Variants in WDR48 observed in about 807,000 individuals in gnomAD.
The protein encoded by WDR48 is WD repeat domain 48.
WDR48 carries 22 observed loss-of-function variants against 94.0 expected under a neutral mutation model. That is an observed-to-expected ratio of 0.23 (90% CI 0.17 to 0.33). The LOEUF (loss-of-function observed/expected upper bound fraction) is 0.33, where lower values mean the gene tolerates loss of function less well. Among genes scored for constraint, WDR48 ranks in the 10% least tolerant of loss-of-function variants. The pLI, the probability that WDR48 is intolerant of heterozygous loss-of-function variation, is 1.00. For synonymous variants in WDR48, 278 were observed against 280.5 expected, an observed-to-expected ratio of 0.99 and a Z score of 0.09; for missense variants, 541 against 813.8, an observed-to-expected ratio of 0.66 and a Z score of 4.08.
intron 17 of WDR48, 60 bp downstream of exon 17, chr3:39,091,761 T>C: frequency 7.3e-7 from 1 of 1,364,752 alleles, no homozygotes; most frequent in Non-Finnish European, 1.0e-6. Context: ...CTTTTCCTTA[T>C]GATTGCTTTT....
intron 16 of WDR48, chr3:39,090,526 T>C (rs555733467): frequency 6.6e-6 from 1 of 152,348 alleles, no homozygotes; most frequent in African/African-American, 2.4e-5. Flanking sequence ...TATATTCTCT[T>C]CTAGTTCTTT....
At chr3:39,080,543 A>C (rs1203825639) in intron 11 of WDR48, among the ~76,000 whole-genome samples, 1 of 152,222 alleles carries the variant, frequency 6.6e-6, no homozygotes, top group Non-Finnish European at 1.5e-5. Flanking sequence ...TTTGTTCAAC[A>C]GATATTTCCT....
rs777137645 is a variant in WDR48, at chr3:39,084,270, AG to A, written c.1281+9del. ...GTAGACTTAAAAACAGGGGTAAGTT[AG>A]CAATTGATACTTGTATGATTTGGGA... On this transcript the variant is annotated intron_variant, in intron 12 of 18. Transcript: ENST00000302313. 1 of 1,558,174 alleles carries A rather than the reference AG, an allele frequency of 6.4e-7. No individual in the cohort carries two copies. The highest frequency in any genetic ancestry group is 1.4e-5 in the African/African-American group (1 of 73,946).
intron 1 of WDR48, among the ~76,000 whole-genome samples, chr3:39,060,507 A>G (rs1056530310): frequency 6.6e-6 from 1 of 151,972 alleles, no homozygotes; most frequent in Non-Finnish European, 1.5e-5. Context: ...CACTTTTGTA[A>G]CATTATTGTG....
At chr3:39,088,286 A>G in intron 15 of WDR48, 53 bp downstream of exon 15, 1 of 1,540,294 alleles carries the variant, frequency 6.5e-7, no homozygotes, top group Non-Finnish European at 9.0e-7. Flanking sequence ...CCATTTGCTA[A>G]GAAGTGTCGA....
intron 2 of WDR48, among the ~76,000 whole-genome samples, chr3:39,063,821 A>T (rs56657836): frequency 2.6e-5 from 4 of 151,996 alleles, no homozygotes; most frequent in Non-Finnish European, 5.9e-5. Flanking sequence ...GGTGGCACAC[A>T]CCTGTAGTCC....
At position 39,094,776 on chromosome 3, in the gene WDR48, C is replaced by T. The variant is rs778039587; in HGVS notation, c.*33C>T. ...GCTAATGCTCCTGGATATTCATTTA[C>T]GACCTTCCTCTATGGCCCCAAGAGT... On this transcript the variant is annotated 3_prime_UTR_variant, in exon 19 of 19. Coordinates refer to ENST00000302313, the MANE Select transcript of WDR48 (RefSeq NM_020839.4). 2.2e-5 allele frequency: 35 copies of T among 1,612,188 alleles called. No individual in the cohort carries two copies. The highest frequency in any genetic ancestry group is 1.1e-4 in the South Asian group (10 of 90,710).
rs1252785627 is a variant in WDR48 at position 39,094,701 on chromosome 3, C to T, written c.1992C>T (p.Ser664=). 13 of 1,613,980 alleles carry T rather than the reference C, an allele frequency of 8.1e-6. No individual in the cohort carries two copies. In the Admixed American group the frequency reaches 1.5e-4, roughly 19 times the overall value. ...LRTVKHFIWK[S]GGDLTLHYRQ... ...CAGTGAAACACTTCATATGGAAGAG[C>T]GGTGGAGACCTCACCCTCCATTACC... Residue 664 remains serine, a synonymous_variant, in exon 19 of 19, where the codon AGC becomes AGT. Transcript: ENST00000302313.
At chr3:39,085,692 A>AC in intron 14 of WDR48, 82 bp downstream of exon 14, 1 of 1,154,472 alleles carries the variant, frequency 8.7e-7, no homozygotes, top group Non-Finnish European at 1.3e-6. Context: ...ACTTACTTAA[A>AC]CCGTTAGCTA....
rs1450180604 is a variant in WDR48 at position 39,094,993 on chromosome 3, C to G, written c.*250C>G. ...AGAGCCCCAAGCAGACTATGTCTTTCAAGATGTACAGAAGACTGACAACAG... is the reference window on the plus strand; with the variant it reads ...AGAGCCCCAAGCAGACTATGTCTTTGAAGATGTACAGAAGACTGACAACAG... On this transcript the variant is annotated 3_prime_UTR_variant, in exon 19 of 19. Transcript: ENST00000302313. 3 of 534,198 alleles carry G rather than the reference C, an allele frequency of 5.6e-6. No individual in the cohort carries two copies. Among genetic ancestry groups the G allele is most frequent in the Non-Finnish European group, 9.9e-6 (3 of 304,012 alleles). The allele number at this position is 534,198 out of a possible 1,614,324, so 33.1% of individuals were successfully genotyped here.
At chr3:39,084,549 A>G in intron 12 of WDR48, 96 bp from the exon 13 acceptor site, 1 of 1,097,540 alleles carries the variant, frequency 9.1e-7, no homozygotes, top group African/African-American at 1.6e-5. Flanking sequence ...TTTATGACTT[A>G]GCACTTTAGT....
In WDR48 at chr3:39,084,723, G is replaced by C. The variant is rs1382829617; in HGVS notation, c.1360G>C (p.Asp454His). ...SAKDAGFSSP[D>H]GSDPKLNLGG... The stretch of plus-strand genomic sequence containing the variant: ...AAAAGATGCTGGTTTCAGCAGCCCT[G>C]ATGGGTCAGATCCAAAATGTGAGTT... Residue 454 changes from aspartate (D) to histidine (H), a missense_variant, in exon 13 of 19, where the codon GAT becomes CAT. This residue lies in a region of WDR48 where 238 missense variants were observed against 285.3 expected (regional missense o/e 0.83). Coordinates refer to ENST00000302313, the MANE Select transcript of WDR48 (RefSeq NM_020839.4). The C allele has an allele frequency of 6.2e-7, 1 of 1,613,434 alleles. No homozygotes were observed. Among genetic ancestry groups the C allele is most frequent in the South Asian group, 1.1e-5 (1 of 90,996 alleles).
At chr3:39,065,758 T>A (rs1431696924) in intron 2 of WDR48, 53 bp from the exon 3 acceptor site, 3 of 1,322,226 alleles carry the variant, frequency 2.3e-6, no homozygotes, top group Non-Finnish European at 3.2e-6. Flanking sequence ...CTATCATTTG[T>A]AATATATTTC....
chr3:39,054,154 C>T (rs1339660244), intron 1 of WDR48, among the ~76,000 whole-genome samples: 1 of 152,174 alleles, frequency 6.6e-6, no homozygotes, highest in African/African-American at 2.4e-5. Context: ...TAAACTAATG[C>T]GTGTTCATTG....
At chr3:39,057,934 A>G (rs528140955) in intron 1 of WDR48, among the ~76,000 whole-genome samples, 24 of 152,264 alleles carry the variant, frequency 1.6e-4, no homozygotes, top group Non-Finnish European at 3.1e-4. Context: ...TTATTTTTAT[A>G]TATGTATAGT....
At chr3:39,086,450 T>G (rs1020475381) in intron 14 of WDR48, 3 of 152,208 alleles carry the variant, frequency 2.0e-5, no homozygotes, top group African/African-American at 7.2e-5. Context: ...ATGTGGAATT[T>G]AAATCTCTCA....
chr3:39,092,721 T>A lies in WDR48; in HGVS notation c.1745+1020T>A, dbSNP rs180963248. 4.5e-4 allele frequency among the ~76,000 whole-genome samples: 69 copies of A among 152,164 alleles called. 1 individual carries two copies. The East Asian group carries it at 0.01, about 22-fold the overall frequency. ...ATTCTAGCAAATAAAATAAAAAAAA[T>A]TTTTAAACCTTTTTATTACAGAGAT... is the stretch of plus-strand genomic sequence containing the variant. On this transcript the variant is annotated intron_variant, in intron 17 of 18. Transcript: ENST00000302313.
chr3:39,068,171 A>G (rs1342423847), intron 5 of WDR48, among the ~76,000 whole-genome samples: 1 of 152,208 alleles, frequency 6.6e-6, no homozygotes, highest in Non-Finnish European at 1.5e-5. Flanking sequence ...ACATTTTTCT[A>G]AACAGTACAT....
At chr3:39,056,180 T>G (rs1194385928) in intron 1 of WDR48, among the ~76,000 whole-genome samples, 2 of 152,240 alleles carry the variant, frequency 1.3e-5, no homozygotes, top group Non-Finnish European at 2.9e-5. Context: ...CATTTCCTTA[T>G]TGAAGATATT....
Sources: allele counts gnomAD v4.1 joint callset (sites outside exome capture counted in the v4.1 genomes callset), GRCh38; gene constraint gnomAD v4.1.1; regional missense constraint gnomAD v4.1.1; transcripts MANE v1.5; gene names NCBI Gene and HGNC (gene_info 2026-07-23, HGNC 2026-07-21).